The following ANKS1B variants were observed in gnomAD, a reference collection of about 807,000 sequenced individuals.
The protein encoded by ANKS1B is ankyrin repeat and sterile alpha motif domain containing 1B, also known as ankyrin repeat and sterile alpha motif domain-containing protein 1B.
Under a neutral mutation model 148.3 loss-of-function variants are expected in ANKS1B, and 36 were observed. That is an observed-to-expected ratio of 0.24 (90% CI 0.19 to 0.32). The LOEUF (loss-of-function observed/expected upper bound fraction) is 0.32. Ranked by LOEUF, ANKS1B falls within the 10% of genes least tolerant of loss-of-function variation. The pLI is 1.00. For synonymous variants in ANKS1B, 542 were observed against 560.8 expected, an observed-to-expected ratio of 0.97 and a Z score of 0.47; for missense variants, 1,157 against 1,542.6, an observed-to-expected ratio of 0.75 and a Z score of 4.19.
At chr12:99,718,245 C>G (rs949881432) in intron 8 of ANKS1B, among the ~76,000 whole-genome samples, 1 of 152,080 alleles carries the variant, frequency 6.6e-6, no homozygotes, top group Non-Finnish European at 1.5e-5. Context: ...CCCACCTGCC[C>G]AGTTCCCTTA....
intron 1 of ANKS1B, among the ~76,000 whole-genome samples, chr12:99,982,541 T>C (rs2095717676): frequency 6.6e-6 from 1 of 152,198 alleles, no homozygotes; most frequent in Admixed American, 6.5e-5. Context: ...TTAGACATAA[T>C]CATTTTTATA....
intron 17 of ANKS1B, among the ~76,000 whole-genome samples, chr12:98,963,990 C>T (rs1018664591): frequency 4.6e-5 from 7 of 152,074 alleles, no homozygotes; most frequent in African/African-American, 1.4e-4. Flanking sequence ...TCCAGATCTT[C>T]GGGAGGCTGA....
intron 10 of ANKS1B, among the ~76,000 whole-genome samples, chr12:99,494,732 CAA>C (rs59115173): frequency 0.22 from 12,245 of 54,536 alleles, 220 homozygotes; most frequent in East Asian, 0.25. Flanking sequence ...CACTCTGTCT[CAA>C]AAAAAAAAAA....
rs2095749347 is a variant in ANKS1B at position 99,984,094 on chromosome 12, C to T, written c.134+10G>A. 6.2e-7 allele frequency: 1 copy of T among 1,607,800 alleles called. No individual in the cohort carries two copies. The highest frequency in any genetic ancestry group is 1.3e-5 in the African/African-American group (1 of 74,766). ...GGTGTGCCAACCCCGGAGCTGGTGC[C>T]CGTCCTTACCTTAGCAGATTAGACA... On this transcript the variant is annotated intron_variant, in intron 1 of 26. Transcript: ENST00000683438.
chr12:99,371,266 G>C (rs1159254857), intron 12 of ANKS1B, among the ~76,000 whole-genome samples: 1 of 151,866 alleles, frequency 6.6e-6, no homozygotes, highest in Non-Finnish European at 1.5e-5. Flanking sequence ...TGTGTACCAG[G>C]GTATTATATT....
chr12:98,988,899 T>C (rs993402825), intron 17 of ANKS1B, among the ~76,000 whole-genome samples: 5 of 152,204 alleles, frequency 3.3e-5, no homozygotes, highest in African/African-American at 1.2e-4. Context: ...TTGTATATGT[T>C]CTTTGGAGAA....
intron 17 of ANKS1B, among the ~76,000 whole-genome samples, chr12:98,870,465 C>T (rs1595901824): frequency 6.6e-6 from 1 of 152,146 alleles, no homozygotes; most frequent in Non-Finnish European, 1.5e-5. Context: ...CTTCCTTTTC[C>T]TCCCTCCCTC....
At chr12:99,043,871 A>G (rs746014651) in intron 17 of ANKS1B, among the ~76,000 whole-genome samples, 5 of 152,172 alleles carry the variant, frequency 3.3e-5, no homozygotes, top group Non-Finnish European at 7.3e-5. Flanking sequence ...TTTATGATCA[A>G]TCTCTGCCAT....
intron 22 of ANKS1B, chr12:98,795,597 T>C (rs537987343): frequency 2.3e-6 from 1 of 444,252 alleles, no homozygotes; most frequent in South Asian, 1.6e-5. Context: ...AAAAAGCTCC[T>C]GTTTTTGGAA....
chr12:98,938,392 C>T (rs918902690), intron 17 of ANKS1B, among the ~76,000 whole-genome samples: 1 of 152,160 alleles, frequency 6.6e-6, no homozygotes, highest in Non-Finnish European at 1.5e-5. Context: ...TCAAAAATAT[C>T]AGTGCCCAGG....
In ANKS1B at chr12:99,667,353, A is replaced by AAAAAG. The variant is rs71088138; in HGVS notation, c.1129-12148_1129-12144dup. ...GACAGAGCGAGACTCTGTCTCAAAAAAAAAGAAAAGAAAAGAAAAGAAAAG... is the reference window on the plus strand; with the variant it reads ...GACAGAGCGAGACTCTGTCTCAAAAAAAAAGAAAAGAAAAGAAAAGAAAAGAAAAG... On this transcript the variant is annotated intron_variant, in intron 8 of 26. Coordinates refer to ENST00000683438, the MANE Select transcript of ANKS1B (RefSeq NM_001352186.2). Among the ~76,000 whole-genome samples, 570 of 148,190 alleles carry AAAAAG rather than the reference A, an allele frequency of 3.8e-3. 8 individuals are homozygous for AAAAAG. Among genetic ancestry groups the AAAAAG allele is most frequent in the African/African-American group, 0.012 (448 of 38,862 alleles).
intron 1 of ANKS1B, among the ~76,000 whole-genome samples, chr12:99,939,977 T>G (rs2094878693): frequency 6.6e-6 from 1 of 152,220 alleles, no homozygotes; most frequent in East Asian, 1.9e-4. Context: ...AAAAAGGCTT[T>G]TTGCAAATCA....
In ANKS1B at chr12:98,893,072, T is replaced by A. The variant is rs192420175; in HGVS notation, c.2779-60936A>T. On this transcript the variant is annotated intron_variant, in intron 17 of 26. Transcript: ENST00000683438. The stretch of plus-strand genomic sequence containing the variant: ...TCCCCCTGCATTCTGAAGGTTTTTT[T>A]AAAAAATATTTGTAACAATGTTTTT... 2.3e-3 allele frequency among the ~76,000 whole-genome samples: 344 copies of A among 152,312 alleles called. 1 individual carries two copies. The highest frequency in any genetic ancestry group is 3.1e-3 in the African/African-American group (128 of 41,554).
chr12:98,852,749 T>C (rs980826115), intron 17 of ANKS1B, among the ~76,000 whole-genome samples: 3 of 151,922 alleles, frequency 2.0e-5, no homozygotes, highest in East Asian at 1.9e-4. Flanking sequence ...CTGAGCTTTT[T>C]CCCCCCCTCC....
chr12:99,450,245 G>T (rs1039719415), intron 10 of ANKS1B, among the ~76,000 whole-genome samples: 3 of 152,124 alleles, frequency 2.0e-5, no homozygotes, highest in African/African-American at 7.2e-5. Flanking sequence ...TTCAATTCAG[G>T]TCCGCAATTT....
Position 99,039,641 on chromosome 12 carries a change from C to G in ANKS1B, c.2778+13516G>C, listed in dbSNP as rs559180650. ...CTGCTGCCTTGCAGCCCACCCAAGC[C>G]TGCCTTCCCTCTGGCGCTCCTCTGC... On this transcript the variant is annotated intron_variant, in intron 17 of 26. Transcript: ENST00000683438. Among the ~76,000 whole-genome samples, 414 of 152,332 alleles carry G rather than the reference C, an allele frequency of 2.7e-3. 1 individual carries two copies. The highest frequency in any genetic ancestry group is 9.5e-3 in the African/African-American group (396 of 41,576).
chr12:99,311,152 T>C (rs1478531210), intron 12 of ANKS1B, among the ~76,000 whole-genome samples: 2 of 152,192 alleles, frequency 1.3e-5, no homozygotes, highest in African/African-American at 4.8e-5. Flanking sequence ...CACCATTTCT[T>C]ACACTCTTAA....
At chr12:99,196,912 G>T (rs1302874247) in intron 14 of ANKS1B, among the ~76,000 whole-genome samples, 2 of 152,066 alleles carry the variant, frequency 1.3e-5, no homozygotes, top group Admixed American at 6.6e-5. Context: ...ATAAGCAAAA[G>T]AGCTTCCTCT....
chr12:99,199,667 T>C (rs891042743), intron 14 of ANKS1B, among the ~76,000 whole-genome samples: 1 of 152,156 alleles, frequency 6.6e-6, no homozygotes, highest in Non-Finnish European at 1.5e-5. Flanking sequence ...CTCTCCTCCT[T>C]ATAAGGCTCA....
Sources: allele counts gnomAD v4.1 joint callset (sites outside exome capture counted in the v4.1 genomes callset), GRCh38; gene constraint gnomAD v4.1.1; transcripts MANE v1.5; gene names NCBI Gene and HGNC (gene_info 2026-07-23, HGNC 2026-07-21).